Variants in MAPK8IP3 observed in about 807,000 individuals in gnomAD.
MAPK8IP3 encodes mitogen-activated protein kinase 8 interacting protein 3.
MAPK8IP3 carries 49 observed loss-of-function variants against 157.8 expected under a neutral mutation model. That is an observed-to-expected ratio of 0.31 (90% CI 0.25 to 0.39). The LOEUF (loss-of-function observed/expected upper bound fraction) is 0.39. Ranked by LOEUF, MAPK8IP3 falls within the 10% of genes least tolerant of loss-of-function variation. MAPK8IP3 has a pLI of 1.00. For synonymous variants in MAPK8IP3, 897 were observed against 777.7 expected, an observed-to-expected ratio of 1.15 and a Z score of -2.55; for missense variants, 1,478 against 1,889.4, an observed-to-expected ratio of 0.78 and a Z score of 4.04.
At position 1,767,707 on chromosome 16, in the gene MAPK8IP3, C is replaced by T. The variant is rs752885730; in HGVS notation, c.3381C>T (p.Asp1127=). ...CGCACCAGCATCTACAGGACGTGGA[C>T]ATTGAGCCCTACGTCAGCAAGATGC... ...AHTHQHLQDV[D]IEPYVSKMLG... The change falls in exon 27 of 32, where the codon GAC becomes GAT. Residue 1127 remains aspartate, a synonymous_variant. Coordinates refer to ENST00000610761, the MANE Select transcript of MAPK8IP3 (RefSeq NM_001318852.2). 8 of 1,612,702 alleles carry T rather than the reference C, an allele frequency of 5.0e-6. No individual in the cohort carries two copies. The highest frequency in any genetic ancestry group is 4.5e-5 in the East Asian group (2 of 44,892).
chr16:1,729,667 G>A (rs1596595795), intron 4 of MAPK8IP3, 89 bp downstream of exon 4: 1 of 1,221,742 alleles, frequency 8.2e-7, no homozygotes, highest in Non-Finnish European at 1.2e-6. Context: ...CGTAGTGCTT[G>A]TTATGGCCCG....
Position 1,747,156 on chromosome 16 carries a change from G to T in MAPK8IP3, c.875G>T (p.Ser292Ile). ...GCCGCCGTCACACCCCTCAACGAGA[G>T]CCTGCAGCCCCTGGGGGACTATGGC... ...PSAAVTPLNE[S>I]LQPLGDYGVG... The change falls in exon 6 of 32, where the codon AGC becomes ATC. Residue 292 changes from serine to isoleucine, a missense_variant. Around this residue, in one of 11 missense-constraint regions of MAPK8IP3, gnomAD observed 315 missense variants for 394.4 expected, o/e 0.80. Coordinates refer to ENST00000610761, the MANE Select transcript of MAPK8IP3 (RefSeq NM_001318852.2). The T allele has an allele frequency of 6.2e-7, 1 of 1,614,046 alleles. No individual in the cohort carries two copies. Among genetic ancestry groups the T allele is most frequent in the Admixed American group, 1.7e-5 (1 of 60,032 alleles).
intron 4 of MAPK8IP3, among the ~76,000 whole-genome samples, chr16:1,735,350 GTGTGAGCGTCCA>G (rs2039609266): frequency 6.6e-6 from 1 of 151,398 alleles, no homozygotes; most frequent in Non-Finnish European, 1.5e-5. Context: ...CCATGTGAGC[GTGTGAGCGTCCA>G]TGTGAGCATC....
chr16:1,738,825 CCGTCCGTGTGAG>C (rs1261954727), intron 4 of MAPK8IP3, among the ~76,000 whole-genome samples: 10 of 126,550 alleles, frequency 7.9e-5, no homozygotes, highest in East Asian at 2.7e-4. Flanking sequence ...ATCTGTGTGA[CCGTCCGTGTGAG>C]CGTCCGTGTG....
chr16:1,767,884 C>T lies in MAPK8IP3; in HGVS notation c.3489C>T (p.Gly1163=), dbSNP rs1242461934. The T allele has an allele frequency of 3.1e-6, 5 of 1,611,366 alleles. 1 individual carries two copies. The South Asian group carries it at 5.5e-5, about 18-fold the overall frequency. The change falls in exon 28 of 32, where the codon GGC becomes GGT. Residue 1163 remains glycine (G), a synonymous_variant. Transcript: ENST00000610761. ...VAGSRLWVGT[G]NGVVISIPLT... ...GCAGCCGGCTCTGGGTGGGCACCGG[C>T]AACGGAGTGGTCATCTCCATCCCCC...
intron 2 of MAPK8IP3, among the ~76,000 whole-genome samples, chr16:1,728,690 C>A (rs997880179): frequency 2.8e-5 from 4 of 144,512 alleles, no homozygotes; most frequent in African/African-American, 1.1e-4. Context: ...GGCACAGCAG[C>A]CCCCCAGACG....
chr16:1,723,571 G>A (rs2038677694), intron 1 of MAPK8IP3, among the ~76,000 whole-genome samples: 1 of 152,122 alleles, frequency 6.6e-6, no homozygotes, highest in Non-Finnish European at 1.5e-5. Context: ...AGTGAGTTGT[G>A]ATCGCACCAC....
intron 5 of MAPK8IP3, chr16:1,746,034 T>C (rs1323801294): frequency 6.6e-6 from 1 of 152,094 alleles, no homozygotes; most frequent in Non-Finnish European, 1.5e-5. Flanking sequence ...GTGAGATCCT[T>C]AGCATTAGAG....
At chr16:1,720,641 T>C (rs1415704158) in intron 1 of MAPK8IP3, among the ~76,000 whole-genome samples, 5 of 152,246 alleles carry the variant, frequency 3.3e-5, no homozygotes, top group African/African-American at 9.6e-5. Context: ...AAATTTTTTC[T>C]GTTTTTACCT....
intron 8 of MAPK8IP3, among the ~76,000 whole-genome samples, chr16:1,757,209 A>C (rs1433969474): frequency 6.6e-6 from 1 of 151,460 alleles, no homozygotes; most frequent in African/African-American, 2.4e-5. Flanking sequence ...GGGTTCAGCC[A>C]CTCTCCTGCC....
In MAPK8IP3 at chr16:1,721,887, G is replaced by C. The variant is rs572795977; in HGVS notation, c.319-2670G>C. On this transcript the variant is annotated intron_variant, in intron 1 of 31. Coordinates refer to ENST00000610761, the MANE Select transcript of MAPK8IP3 (RefSeq NM_001318852.2). ...CGGGTTCAAGTGATTCTCCTGCCTC[G>C]CCCTCCCGAGTAGCTGGGACTACAG... Among the ~76,000 whole-genome samples, 411 of 151,942 alleles carry C rather than the reference G, an allele frequency of 2.7e-3. 1 individual carries two copies. The highest frequency in any genetic ancestry group is 2.7e-3 in the Non-Finnish European group (181 of 67,958).
At chr16:1,712,896 G>C (rs1033275394) in intron 1 of MAPK8IP3, among the ~76,000 whole-genome samples, 2 of 152,224 alleles carry the variant, frequency 1.3e-5, no homozygotes, top group African/African-American at 4.8e-5. Context: ...GCCCCCACCA[G>C]GCCTCTCTCC....
At chr16:1,762,194 C>T (rs868709605) in intron 13 of MAPK8IP3, among the ~76,000 whole-genome samples, 157 bp from the exon 14 acceptor site, 3 of 152,226 alleles carry the variant, frequency 2.0e-5, no homozygotes, top group Admixed American at 6.5e-5. Context: ...TATGGTTCCC[C>T]TCCCCGCTTG....
rs533061895 is a variant in MAPK8IP3 at position 1,741,179 on chromosome 16, G to A, written c.603-2153G>A. On this transcript the variant is annotated intron_variant, in intron 4 of 31. Transcript: ENST00000610761. This position sits in a 1 kb window ranked among gnomAD's most constrained non-coding sequence, Gnocchi z 6.9. Reference sequence around the variant, plus strand: ...CACACCCATGACCCCCAAGGGCAGCGTGACCCCCGAGGGTGGCGTGACCCC... The same window carrying A: ...CACACCCATGACCCCCAAGGGCAGCATGACCCCCGAGGGTGGCGTGACCCC... Among the ~76,000 whole-genome samples, 3 of 152,290 alleles carry A rather than the reference G, an allele frequency of 2.0e-5. No homozygotes were observed. Among genetic ancestry groups the A allele is most frequent in the East Asian group, 3.9e-4 (2 of 5,180 alleles).
intron 20 of MAPK8IP3, 40 bp from the exon 21 acceptor site, chr16:1,765,920 G>C (rs1352082097): frequency 1.3e-6 from 2 of 1,562,182 alleles, no homozygotes; most frequent in South Asian, 1.2e-5. Flanking sequence ...TGCAGTAGTG[G>C]GTTCCCCCGC....
At chr16:1,748,376 TG>T in intron 7 of MAPK8IP3, 30 bp downstream of exon 7, 2 of 1,568,886 alleles carry the variant, frequency 1.3e-6, no homozygotes, top group Non-Finnish European at 1.8e-6. Context: ...CCTGGGGTCC[TG>T]GGGGCTCAGT....
intron 4 of MAPK8IP3, among the ~76,000 whole-genome samples, chr16:1,736,641 T>TCC: frequency 1.4e-5 from 1 of 69,340 alleles, no homozygotes; most frequent in Non-Finnish European, 2.8e-5. Context: ...CGTGTGAGCG[T>TCC]GTGACCGTCC....
intron 4 of MAPK8IP3, among the ~76,000 whole-genome samples, chr16:1,737,291 ACCAT>A (rs1463714979): frequency 2.8e-5 from 2 of 70,490 alleles, no homozygotes; most frequent in Non-Finnish European, 5.1e-5. Context: ...TGTGAGTGTG[ACCAT>A]CCATGTGAGC....
rs181355561 is a variant in MAPK8IP3 at position 1,730,661 on chromosome 16, T to G, written c.602+1083T>G. 1.3e-3 allele frequency among the ~76,000 whole-genome samples: 193 copies of G among 151,690 alleles called. 1 individual carries two copies. Among genetic ancestry groups the G allele is most frequent in the African/African-American group, 3.5e-3 (143 of 41,368 alleles). On this transcript the variant is annotated intron_variant, in intron 4 of 31. Transcript: ENST00000610761. ...GATCGAGACCATCCTGGCTAACATGTTGAAACCCCATCTCTACTAAAAATA... is the reference window on the plus strand; with the variant it reads ...GATCGAGACCATCCTGGCTAACATGGTGAAACCCCATCTCTACTAAAAATA...
Sources: allele counts gnomAD v4.1 joint callset (sites outside exome capture counted in the v4.1 genomes callset), GRCh38; gene constraint gnomAD v4.1.1; regional missense constraint gnomAD v4.1.1; non-coding constraint Gnocchi (gnomAD v3.1); transcripts MANE v1.5; gene names NCBI Gene and HGNC (gene_info 2026-07-23, HGNC 2026-07-21).